The following HIP1R variants were observed in gnomAD, a reference collection of about 807,000 sequenced individuals.
The protein encoded by HIP1R is huntingtin-interacting protein 1-related protein.
Under a neutral mutation model 144.2 loss-of-function variants are expected in HIP1R, and 135 were observed. That is an observed-to-expected ratio of 0.94 (90% CI 0.81 to 1.08). HIP1R has a LOEUF of 1.08. HIP1R is among the 50% of genes least tolerant of loss of function. The probability of loss-of-function intolerance (pLI) is 0.00; values close to 1 mark genes in which losing one functional copy is unlikely to be tolerated. For missense variants in HIP1R, 1,462 were observed against 1,432.8 expected, an observed-to-expected ratio of 1.02 and a Z score of -0.33; for synonymous variants, 698 against 612.8, an observed-to-expected ratio of 1.14 and a Z score of -2.05.
chr12:122,861,363 A>T lies in HIP1R; in HGVS notation c.3008A>T (p.Glu1003Val). The stretch of plus-strand genomic sequence containing the variant: ...GAGGCTGAACGCATGCGGCTGGGGG[A>T]GTTGCGGAAGCAACACTACGTGCTG... ...TLEAERMRLG[E>V]LRKQHYVLAG... The change falls in exon 31 of 32, where the codon GAG (glutamate) becomes GTG (valine). Residue 1003 changes from glutamate (E) to valine (V), a missense_variant. Transcript: ENST00000253083. 1 of 1,613,364 alleles carries T rather than the reference A, an allele frequency of 6.2e-7. No homozygotes were observed. Among genetic ancestry groups the T allele is most frequent in the Non-Finnish European group, 8.5e-7 (1 of 1,179,890 alleles).
rs905299160 is a variant in HIP1R at position 122,836,889 on chromosome 12, G to C, written c.93+1246G>C. Among the ~76,000 whole-genome samples, 4 of 152,202 alleles carry C rather than the reference G, an allele frequency of 2.6e-5. No individual in the cohort carries two copies. The highest frequency in any genetic ancestry group is 4.4e-5 in the Non-Finnish European group (3 of 68,038). On this transcript the variant is annotated intron_variant, in intron 1 of 31. Transcript: ENST00000253083. The surrounding 1 kb of genome is among the most constrained non-coding windows in gnomAD (Gnocchi z 4.1). ...CCAGAAAGCGATAATAAATCCTGAG[G>C]ATATCAAGGCTTTAGAAATGCGAAG...
chr12:122,837,400 C>A (rs2032935171), intron 1 of HIP1R, among the ~76,000 whole-genome samples: 1 of 151,846 alleles, frequency 6.6e-6, no homozygotes, highest in African/African-American at 2.4e-5. Flanking sequence ...CTCGCTGCAA[C>A]CTCCGCCTCC....
intron 1 of HIP1R, among the ~76,000 whole-genome samples, chr12:122,841,319 A>G (rs562595739): frequency 3.9e-4 from 60 of 152,324 alleles, no homozygotes; most frequent in South Asian, 2.3e-3. Context: ...GCAGACAGAC[A>G]TGGGGTGGGC....
intron 1 of HIP1R, 92 bp downstream of exon 1, chr12:122,835,735 G>A (rs2032868868): frequency 1.2e-6 from 1 of 868,600 alleles, no homozygotes; most frequent in Non-Finnish European, 1.4e-6. Flanking sequence ...GCTGGGGCCC[G>A]GGAGGCGCCG....
chr12:122,860,071 G>T lies in HIP1R; in HGVS notation c.2490G>T (p.Leu830=). Residue 830 remains leucine (L), a synonymous_variant, in exon 25 of 32, where the codon CTG becomes CTT. Transcript: ENST00000253083. The part of the protein sequence containing the change: ...NERILNSCTD[L]MKAIRLLVTT... The stretch of plus-strand genomic sequence containing the variant: ...GGATCCTCAACTCCTGCACAGACCT[G>T]ATGAAGGTGAGGGGCTGTGACCCGG... 1 of 1,574,812 alleles carries T rather than the reference G, an allele frequency of 6.3e-7. No homozygotes were observed.
At chr12:122,854,873 A>C (rs200663785) in intron 8 of HIP1R, 32 bp from the exon 9 acceptor site, 21 of 1,608,338 alleles carry the variant, frequency 1.3e-5, no homozygotes, top group Non-Finnish European at 1.8e-5. Context: ...CAGTGTGCAG[A>C]GAAGTCCTGT....
intron 20 of HIP1R, 72 bp downstream of exon 20, chr12:122,858,507 T>C (rs986335622): frequency 7.9e-6 from 10 of 1,258,782 alleles, no homozygotes; most frequent in Non-Finnish European, 1.1e-5. Flanking sequence ...ACCTCTTGCC[T>C]TTTGGGAGGT....
Position 122,858,876 on chromosome 12 carries a change from C to T in HIP1R, c.2089C>T (p.His697Tyr). Residue 697 changes from histidine (H) to tyrosine (Y), a missense_variant, in exon 21 of 32, where the codon CAC (histidine) becomes TAC (tyrosine). By Grantham distance (83) the His-to-Tyr change is moderately conservative (BLOSUM62 2). Transcript: ENST00000253083. ...ALVAALTRFS[H>Y]LAADTIINGG... ...GGTGGCAGCTCTGACCCGCTTCTCCCACCTGGCTGCGGATACCATCATCAA... is the reference window on the plus strand; with the variant it reads ...GGTGGCAGCTCTGACCCGCTTCTCCTACCTGGCTGCGGATACCATCATCAA... 2 of 1,613,342 alleles carry T rather than the reference C, an allele frequency of 1.2e-6. No individual in the cohort carries two copies. Among genetic ancestry groups the T allele is most frequent in the Non-Finnish European group, 1.7e-6 (2 of 1,180,020 alleles).
rs2033484879 is a variant in HIP1R at position 122,854,162 on chromosome 12, C to G, written c.697C>G (p.Leu233Val). ...CCACCTCTACCACTACACGGTCAAG[C>G]TCCTGTTCAAGCTACACTCTTGTGA... ...CSHLYHYTVK[L>V]LFKLHSCLPA... Residue 233 changes from leucine to valine, a missense_variant, in exon 8 of 32, where the codon CTC becomes GTC. By Grantham distance (32) the Leu-to-Val change is conservative (BLOSUM62 1). This residue lies in a region of HIP1R where 350 missense variants were observed against 421.1 expected (regional missense o/e 0.83). Transcript: ENST00000253083. The G allele has an allele frequency of 1.2e-6, 2 of 1,613,832 alleles. No homozygotes were observed. The highest frequency in any genetic ancestry group is 1.3e-5 in the African/African-American group (1 of 75,046).
At chr12:122,854,800 T>G in intron 8 of HIP1R, 105 bp from the exon 9 acceptor site, 1 of 1,239,868 alleles carries the variant, frequency 8.1e-7, no homozygotes, top group Non-Finnish European at 1.2e-6. Context: ...CGGTCTCAGG[T>G]GATCTCTGAT....
rs759312297 is a variant in HIP1R, at chr12:122,856,701, A to C, written c.1595A>C (p.Gln532Pro). 1 of 1,586,042 alleles carries C rather than the reference A, an allele frequency of 6.3e-7. No individual in the cohort carries two copies. Among genetic ancestry groups the C allele is most frequent in the Non-Finnish European group, 8.6e-7 (1 of 1,166,682 alleles). ...AAGGCCGGAGAGCTGGCCCGCGCGC[A>C]GGAGGCCCTGAGCCACACAGAGCAG... ...EAKAGELARA[Q>P]EALSHTEQSK... The change falls in exon 17 of 32, where the codon CAG becomes CCG. Residue 532 changes from glutamine (Q) to proline (P), a missense_variant. Gln to Pro is a moderately conservative substitution (Grantham distance 76, BLOSUM62 -1). Around this residue, in one of 2 missense-constraint regions of HIP1R, gnomAD observed 1,112 missense variants for 1,011.7 expected, o/e 1.10. Transcript: ENST00000253083.
In HIP1R at chr12:122,836,407, C is replaced by T. The variant is rs2032897146; in HGVS notation, c.93+764C>T. Among the ~76,000 whole-genome samples the T allele has an allele frequency of 6.6e-6, 1 of 152,152 alleles. No homozygotes were observed. The highest frequency in any genetic ancestry group is 2.4e-5 in the African/African-American group (1 of 41,426). On this transcript the variant is annotated intron_variant, in intron 1 of 31. Coordinates refer to ENST00000253083, the MANE Select transcript of HIP1R (RefSeq NM_003959.3). This position sits in a 1 kb window ranked among gnomAD's most constrained non-coding sequence, Gnocchi z 4.1. Reference sequence around the variant, plus strand: ...GTAACTCTTCCAGATGATGCCTATCCTGGGAAGGCGTTAGAAATGAAATAA... The same window carrying T: ...GTAACTCTTCCAGATGATGCCTATCTTGGGAAGGCGTTAGAAATGAAATAA...
In HIP1R at chr12:122,856,180, C is replaced by T; in HGVS notation, c.1312+17C>T. 1.2e-6 allele frequency: 2 copies of T among 1,609,616 alleles called. No homozygotes were observed. The highest frequency in any genetic ancestry group is 1.7e-4 in the Middle Eastern group (1 of 6,034). The stretch of plus-strand genomic sequence containing the variant: ...AGGCTGAGAGTACGTGGGGCCTTGG[C>T]CACAGGGGTCCAAGGGTGTGTCCCC... On this transcript the variant is annotated intron_variant, in intron 14 of 31. Coordinates refer to ENST00000253083, the MANE Select transcript of HIP1R (RefSeq NM_003959.3).
In HIP1R at chr12:122,859,093, C is replaced by T. The variant is rs747209447; in HGVS notation, c.2191C>T (p.Arg731Trp). 10 of 1,603,100 alleles carry T rather than the reference C, an allele frequency of 6.2e-6. No homozygotes were observed. The highest frequency in any genetic ancestry group is 2.2e-5 in the South Asian group (2 of 89,666). Residue 731 changes from arginine (R) to tryptophan (W), a missense_variant, in exon 22 of 32, where the codon CGG becomes TGG. Physicochemically the swap from Arg to Trp is moderately radical, Grantham distance 101 (BLOSUM62 -3). Transcript: ENST00000253083. ...LIDTCRECGARALELMGQLQD... is the reference protein window; with the variant it reads ...LIDTCRECGAWALELMGQLQD... ...AGACACCTGCAGGGAGTGCGGGGCC[C>T]GGGCTCTGGAGCTCATGGGGCAGCT... is the stretch of plus-strand genomic sequence containing the variant.
At chr12:122,835,973 G>A (rs1177354325) in intron 1 of HIP1R, among the ~76,000 whole-genome samples, 1 of 151,624 alleles carries the variant, frequency 6.6e-6, no homozygotes, top group Admixed American at 6.6e-5. Flanking sequence ...GAGGCGGCGG[G>A]GGACGGAGAT....
Position 122,860,213 on chromosome 12 carries a change from GA to G in HIP1R, c.2559+4del, listed in dbSNP as rs781122702. 3 of 1,555,128 alleles carry G rather than the reference GA, an allele frequency of 1.9e-6. No individual in the cohort carries two copies. In the African/African-American group the frequency reaches 4.1e-5, roughly 21 times the overall value. On this transcript the variant is annotated splice_donor_region_variant and intron_variant, in intron 26 of 31. Coordinates refer to ENST00000253083, the MANE Select transcript of HIP1R (RefSeq NM_003959.3). ...AGGAGATCGTGGAGAGCGGCAGGGT[GA>G]GGGGCCGGCGGCAGCAGGGCACAGT...
At chr12:122,843,723 C>G (rs759075144) in intron 1 of HIP1R, among the ~76,000 whole-genome samples, 3 of 152,188 alleles carry the variant, frequency 2.0e-5, no homozygotes. Context: ...TTTCGAGACC[C>G]GAAAAGCTGC....
chr12:122,861,871 G>C lies in HIP1R; in HGVS notation c.*118G>C. 1 of 912,450 alleles carries C rather than the reference G, an allele frequency of 1.1e-6. No homozygotes were observed. The highest frequency in any genetic ancestry group is 1.7e-6 in the Non-Finnish European group (1 of 590,238). The allele number at this position is 912,450 out of a possible 1,614,324, so 56.5% of individuals were successfully genotyped here. Reference sequence around the variant, plus strand: ...GCCCAAGCCTCCCGCCCCACCGTCTGGATCAATGTCCTCAAGGCCCCTGGC... The same window carrying C: ...GCCCAAGCCTCCCGCCCCACCGTCTCGATCAATGTCCTCAAGGCCCCTGGC... On this transcript the variant is annotated 3_prime_UTR_variant, in exon 32 of 32. Transcript: ENST00000253083.
At position 122,861,736 on chromosome 12, in the gene HIP1R, C is replaced by CA; in HGVS notation, c.3192dup (p.Leu1065ThrfsTer16). 2 of 1,614,120 alleles carry CA rather than the reference C, an allele frequency of 1.2e-6. No individual in the cohort carries two copies. The highest frequency in any genetic ancestry group is 2.2e-5 in the South Asian group (2 of 91,090). ...CAAAAAGGATGGCATCTACCCAGCT[C>CA]AACTCGTGAACTACTAGGCCCCCCA... On this transcript the variant is annotated frameshift_variant, in exon 32 of 32. Coordinates refer to ENST00000253083, the MANE Select transcript of HIP1R (RefSeq NM_003959.3). LOFTEE classifies it high-confidence loss of function.
Sources: allele counts gnomAD v4.1 joint callset (sites outside exome capture counted in the v4.1 genomes callset), GRCh38; gene constraint gnomAD v4.1.1; regional missense constraint gnomAD v4.1.1; non-coding constraint Gnocchi (gnomAD v3.1); transcripts MANE v1.5; gene names NCBI Gene and HGNC (gene_info 2026-07-23, HGNC 2026-07-21).